Variants in TRPM3 observed in about 807,000 individuals in gnomAD.
TRPM3 encodes transient receptor potential cation channel subfamily M member 3.
A neutral mutation model predicts 181.2 loss-of-function variants in TRPM3; 77 were observed. That is an observed-to-expected ratio of 0.42 (90% confidence interval 0.35 to 0.51). The LOEUF is 0.51. Among genes scored for constraint, TRPM3 ranks in the 20% least tolerant of loss-of-function variants. The pLI, the probability that TRPM3 is intolerant of heterozygous loss-of-function variation, is 0.01. For missense variants in TRPM3, 1,759 were observed against 2,196.7 expected, an observed-to-expected ratio of 0.80 and a Z score of 3.98; for synonymous variants, 745 against 796.4, an observed-to-expected ratio of 0.94 and a Z score of 1.09.
At chr9:70,983,612 G>C (rs2097387787) in intron 1 of TRPM3, among the ~76,000 whole-genome samples, 1 of 152,154 alleles carries the variant, frequency 6.6e-6, no homozygotes, top group Non-Finnish European at 1.5e-5. Flanking sequence ...GGCAGGCAGA[G>C]GAAGGAGAAA....
intron 1 of TRPM3, among the ~76,000 whole-genome samples, chr9:71,358,355 C>A (rs990403352): frequency 6.6e-6 from 1 of 152,058 alleles, no homozygotes; most frequent in Non-Finnish European, 1.5e-5. Context: ...AACTCTAGAT[C>A]AATTGGAAAA....
Position 70,625,201 on chromosome 9 carries a change from C to T in TRPM3, c.1799G>A (p.Gly600Asp), listed in dbSNP as rs372230941. The T allele has an allele frequency of 1.7e-5, 27 of 1,613,858 alleles. No individual in the cohort carries two copies. Among genetic ancestry groups the T allele is most frequent in the Non-Finnish European group, 2.0e-5 (24 of 1,179,982 alleles). ...RFRTLYHNLFGPKRPKALKLL... is the reference protein window; with the variant it reads ...RFRTLYHNLFDPKRPKALKLL... ...TGCAGCCAGCCTCACCCTCTTGGGG[C>T]CGAAGAGGTTGTGGTAGAGGGTCCG... Residue 600 changes from glycine (G) to aspartate (D), a missense_variant, in exon 14 of 26, where the codon GGC becomes GAC. Coordinates refer to ENST00000677713, the MANE Select transcript of TRPM3 (RefSeq NM_001366145.2). The surrounding 1 kb of genome is among the most constrained non-coding windows in gnomAD (Gnocchi z 4.8).
intron 6 of TRPM3, among the ~76,000 whole-genome samples, chr9:70,820,176 C>T (rs1437839592): frequency 1.3e-5 from 2 of 152,086 alleles, no homozygotes; most frequent in African/African-American, 4.8e-5. Context: ...GCAGGAGGGA[C>T]AACTACAGTT....
chr9:71,354,466 G>C (rs1466265253), intron 1 of TRPM3, among the ~76,000 whole-genome samples: 1 of 152,158 alleles, frequency 6.6e-6, no homozygotes, highest in Non-Finnish European at 1.5e-5. Flanking sequence ...AAGACACTTA[G>C]AACTATGCAT....
chr9:71,364,370 C>A (rs2092264148), intron 1 of TRPM3, among the ~76,000 whole-genome samples: 1 of 152,082 alleles, frequency 6.6e-6, no homozygotes, highest in African/African-American at 2.4e-5. Context: ...TTTGGCCATG[C>A]CTAATTAAAT....
At chr9:71,334,857 T>G (rs1565473634) in intron 1 of TRPM3, among the ~76,000 whole-genome samples, 1 of 152,314 alleles carries the variant, frequency 6.6e-6, no homozygotes, top group East Asian at 1.9e-4. Context: ...CCCTAATTAC[T>G]GCATTATTTT....
At chr9:70,957,380 T>C (rs1249892256) in intron 1 of TRPM3, among the ~76,000 whole-genome samples, 2 of 152,168 alleles carry the variant, frequency 1.3e-5, no homozygotes, top group Non-Finnish European at 2.9e-5. Flanking sequence ...TGAGCACTTA[T>C]GAAGCATCGA....
At chr9:70,581,330 G>C (rs2055594606) in intron 22 of TRPM3, among the ~76,000 whole-genome samples, 1 of 152,156 alleles carries the variant, frequency 6.6e-6, no homozygotes, top group South Asian at 2.1e-4. Context: ...TGATGTTCTA[G>C]ATATCAAATA....
chr9:71,411,923 G>C (rs1385569270), intron 1 of TRPM3, among the ~76,000 whole-genome samples: 1 of 152,102 alleles, frequency 6.6e-6, no homozygotes, highest in Non-Finnish European at 1.5e-5. Flanking sequence ...GAACAGAACA[G>C]AGCCCTCAGA....
At chr9:70,607,947 C>T (rs1246882363) in intron 19 of TRPM3, among the ~76,000 whole-genome samples, 1 of 152,170 alleles carries the variant, frequency 6.6e-6, no homozygotes, top group African/African-American at 2.4e-5. Flanking sequence ...GAGATTTAGC[C>T]TAAAGCTGCC....
intron 12 of TRPM3, among the ~76,000 whole-genome samples, chr9:70,630,860 C>T (rs1416725481): frequency 2.0e-5 from 3 of 152,166 alleles, no homozygotes; most frequent in Admixed American, 6.5e-5. Context: ...AGGTTTACTT[C>T]GTGCCATGCA....
At chr9:70,639,877 T>C (rs761447433) in intron 10 of TRPM3, among the ~76,000 whole-genome samples, 24 of 151,972 alleles carry the variant, frequency 1.6e-4, no homozygotes. Flanking sequence ...AGGCAGAAAC[T>C]CTCTAGGGGA....
intron 1 of TRPM3, among the ~76,000 whole-genome samples, chr9:71,366,692 A>C (rs974239579): frequency 2.6e-5 from 4 of 152,164 alleles, no homozygotes; most frequent in African/African-American, 7.2e-5. Context: ...CTGTTTGTAT[A>C]TTTAAAATTT....
chr9:71,080,513 G>A (rs1417808125), intron 1 of TRPM3, among the ~76,000 whole-genome samples: 1 of 152,174 alleles, frequency 6.6e-6, no homozygotes, highest in East Asian at 1.9e-4. Flanking sequence ...AGTTTATTTT[G>A]TGATGTGGAT....
chr9:71,040,832 T>C (rs189752903), intron 1 of TRPM3, among the ~76,000 whole-genome samples: 2 of 151,956 alleles, frequency 1.3e-5, no homozygotes, highest in East Asian at 1.9e-4. Context: ...AATATAATCA[T>C]GAGGAGGCAT....
intron 1 of TRPM3, among the ~76,000 whole-genome samples, chr9:71,314,878 A>G (rs1221645858): frequency 6.6e-6 from 1 of 151,438 alleles, no homozygotes; most frequent in East Asian, 1.9e-4. Context: ...AAAAAAAAAA[A>G]TGGGCATCAA....
chr9:70,793,926 C>G (rs945151175), intron 6 of TRPM3, among the ~76,000 whole-genome samples: 2 of 152,054 alleles, frequency 1.3e-5, no homozygotes, highest in Non-Finnish European at 2.9e-5. Context: ...CATGTAAACG[C>G]TCTGGGTACA....
intron 1 of TRPM3, among the ~76,000 whole-genome samples, chr9:71,390,388 C>T (rs765419240): frequency 2.0e-4 from 31 of 152,142 alleles, no homozygotes; most frequent in Non-Finnish European, 4.0e-4. Context: ...GGCTCTTATA[C>T]TCTGAATAAC....
chr9:71,107,623 C>T (rs1370347986), intron 1 of TRPM3, among the ~76,000 whole-genome samples: 2 of 152,046 alleles, frequency 1.3e-5, no homozygotes, highest in African/African-American at 4.8e-5. Flanking sequence ...AAGAGTAAAT[C>T]AGTTGGGGGT....
Sources: gnomAD v4.1 joint callset for allele counts (sites outside exome capture counted in the v4.1 genomes callset) on GRCh38, gnomAD v4.1.1 for gene constraint, Gnocchi (gnomAD v3.1) non-coding constraint, MANE v1.5 for transcripts, NCBI Gene and HGNC (gene_info 2026-07-23, HGNC 2026-07-21) for gene names.